The following FERMT3 variants were observed in gnomAD, a reference collection of about 807,000 sequenced individuals.
FERMT3 encodes fermitin family homolog 3.
FERMT3 carries 33 observed loss-of-function variants against 80.8 expected under a neutral mutation model. The ratio of observed to expected loss-of-function variants is 0.41; its 90% CI spans 0.31 to 0.55. The LOEUF (loss-of-function observed/expected upper bound fraction) is 0.55, where lower values mean the gene tolerates loss of function less well. Ranked by LOEUF, FERMT3 falls within the 20% of genes least tolerant of loss-of-function variation. FERMT3 has a pLI of 0.31. For synonymous variants in FERMT3, 375 were observed against 372.2 expected, an observed-to-expected ratio of 1.01 and a Z score of -0.09; for missense variants, 754 against 908.7, an observed-to-expected ratio of 0.83 and a Z score of 2.19.
In FERMT3 at chr11:64,221,105, C is replaced by G. The variant is rs765423929; in HGVS notation, c.1635C>G (p.Ser545=). Residue 545 remains serine, a synonymous_variant, in exon 13 of 15, where the codon TCC becomes TCG. Coordinates refer to ENST00000345728, the MANE Select transcript of FERMT3 (RefSeq NM_031471.6). ...TGCGCTTCATCCAGGCCTGGCAGTC[C>G]CTGCCCGACTTCGGCATCTCCTATG... ...AQLRFIQAWQ[S]LPDFGISYVM... The G allele has an allele frequency of 8.7e-6, 14 of 1,611,414 alleles. No homozygotes were observed. The highest frequency in any genetic ancestry group is 1.1e-5 in the Non-Finnish European group (13 of 1,180,012).
At position 64,220,369 on chromosome 11, in the gene FERMT3, G is replaced by T. The variant is rs1312545412; in HGVS notation, c.1311+43G>T. 5 of 1,608,066 alleles carry T rather than the reference G, an allele frequency of 3.1e-6. No individual in the cohort carries two copies. The South Asian group carries it at 4.4e-5, about 14-fold the overall frequency. On this transcript the variant is annotated intron_variant, in intron 11 of 14. Coordinates refer to ENST00000345728, the MANE Select transcript of FERMT3 (RefSeq NM_031471.6). The stretch of plus-strand genomic sequence containing the variant: ...AGGGGCCAGGGCCGGGCAGGAGCTG[G>T]GGCAGGGGCAGGGGCTGAGGAGCAT...
intron 6 of FERMT3, among the ~76,000 whole-genome samples, chr11:64,218,253 C>T (rs1946595667): frequency 6.6e-6 from 1 of 152,140 alleles, no homozygotes; most frequent in Non-Finnish European, 1.5e-5. Flanking sequence ...ATCCACCGAC[C>T]TCGGCCTCCC....
chr11:64,214,168 C>CTTTTTTTT (rs60329788), intron 6 of FERMT3, among the ~76,000 whole-genome samples: 16 of 113,432 alleles, frequency 1.4e-4, no homozygotes, highest in Admixed American at 2.1e-4. Flanking sequence ...TCATAATTGC[C>CTTTTTTTT]TTTTTTTTTT....
chr11:64,221,151 T>C lies in FERMT3; in HGVS notation c.1670+11T>C, dbSNP rs1591041178. 1.2e-6 allele frequency: 2 copies of C among 1,606,548 alleles called. No homozygotes were observed. Among genetic ancestry groups the C allele is most frequent in the Non-Finnish European group, 1.7e-6 (2 of 1,179,602 alleles). On this transcript the variant is annotated intron_variant, in intron 13 of 14. Transcript: ENST00000345728. The stretch of plus-strand genomic sequence containing the variant: ...CTATGTCATGGTCAGGTATGGCCCC[T>C]GGCCCAGCCCCCTGCCCAGCACCGT...
chr11:64,216,040 C>A (rs1340245447), intron 6 of FERMT3, among the ~76,000 whole-genome samples: 1 of 152,008 alleles, frequency 6.6e-6, no homozygotes, highest in Non-Finnish European at 1.5e-5. Context: ...CTATGTTGGT[C>A]AGGCTGGTCT....
chr11:64,213,137 C>T (rs1454816700), intron 6 of FERMT3, among the ~76,000 whole-genome samples: 1 of 151,812 alleles, frequency 6.6e-6, no homozygotes, highest in East Asian at 1.9e-4. Flanking sequence ...CTCACTGCAA[C>T]CTCTTCCTCC....
chr11:64,210,814 C>A lies in FERMT3; in HGVS notation c.364C>A (p.Gln122Lys). ...LRASFSQPLF[Q>K]AVAAICRLLS... ...TGCCAGCTTCTCCCAGCCCCTCTTC[C>A]AGGCTGTGGCTGCCATCTGCCGCCT... Residue 122 changes from glutamine to lysine, a missense_variant, in exon 3 of 15, where the codon CAG (glutamine) becomes AAG (lysine). Transcript: ENST00000345728. The surrounding 1 kb of genome is among the most constrained non-coding windows in gnomAD (Gnocchi z 4.3). The A allele has an allele frequency of 6.2e-7, 1 of 1,613,352 alleles. No individual in the cohort carries two copies. Among genetic ancestry groups the A allele is most frequent in the Non-Finnish European group, 8.5e-7 (1 of 1,180,002 alleles).
Position 64,223,879 on chromosome 11 carries a change from T to A in FERMT3, c.*387T>A. ...TTCTTTTTTATAAATTAATATTTTA[T>A]TGTTGGATCCTCCTCCTTTCTCTGG... On this transcript the variant is annotated 3_prime_UTR_variant, in exon 15 of 15. Transcript: ENST00000345728. 6.3e-7 allele frequency: 1 copy of A among 1,581,320 alleles called. No individual in the cohort carries two copies.
intron 6 of FERMT3, among the ~76,000 whole-genome samples, chr11:64,214,168 CTT>C (rs60329788): frequency 6.2e-5 from 7 of 113,438 alleles, no homozygotes; most frequent in African/African-American, 1.7e-4. Flanking sequence ...TCATAATTGC[CTT>C]TTTTTTTTTT....
Position 64,219,199 on chromosome 11 carries a change from G to A in FERMT3, c.787-52G>A. 6.6e-7 allele frequency: 1 copy of A among 1,517,758 alleles called. No individual in the cohort carries two copies. The highest frequency in any genetic ancestry group is 2.4e-5 in the East Asian group (1 of 40,836). The allele number at this position is 1,517,758 out of a possible 1,614,324, so 94.0% of individuals were successfully genotyped here. A position where few individuals can be genotyped will look rare whatever the true frequency, so the allele number is the denominator to read the frequency against. On this transcript the variant is annotated intron_variant, in intron 6 of 14. Transcript: ENST00000345728. The surrounding 1 kb of genome is among the most constrained non-coding windows in gnomAD (Gnocchi z 4.0). ...AGGGGCTCAGTGCAGGGCGTCCAGG[G>A]CAGCTGGCATCTGACCAGCCCAGCC...
intron 6 of FERMT3, among the ~76,000 whole-genome samples, chr11:64,216,795 CAAAAAAAAAAAAA>C (rs756054156): frequency 2.8e-5 from 1 of 35,178 alleles, no homozygotes; most frequent in Non-Finnish European, 6.0e-5. Flanking sequence ...GACTCCATCT[CAAAAAAAAAAAAA>C]AAAAAAAAAG....
chr11:64,217,609 T>G (rs1946579561), intron 6 of FERMT3, among the ~76,000 whole-genome samples: 1 of 152,174 alleles, frequency 6.6e-6, no homozygotes, highest in Non-Finnish European at 1.5e-5. Context: ...CAGCTGTGTC[T>G]GGGGTACCAA....
intron 2 of FERMT3, among the ~76,000 whole-genome samples, chr11:64,208,287 G>C (rs1946360537): frequency 6.6e-6 from 1 of 152,182 alleles, no homozygotes; most frequent in Admixed American, 6.5e-5. Context: ...TGTGAGGGGA[G>C]CTGCCAGGGG....
chr11:64,207,759 C>T (rs1477442034), intron 2 of FERMT3: 4 of 529,446 alleles, frequency 7.6e-6, no homozygotes, highest in Non-Finnish European at 1.3e-5. Flanking sequence ...CAGACGCAGC[C>T]ACAATCCTCC....
chr11:64,210,915 CCAG>C lies in FERMT3; in HGVS notation c.394+73_394+75del. The C allele has an allele frequency of 1.9e-6, 3 of 1,608,966 alleles. No individual in the cohort carries two copies. The highest frequency in any genetic ancestry group is 2.5e-6 in the Non-Finnish European group (3 of 1,178,492). On this transcript the variant is annotated intron_variant, in intron 3 of 14. Coordinates refer to ENST00000345728, the MANE Select transcript of FERMT3 (RefSeq NM_031471.6). The surrounding 1 kb of genome is among the most constrained non-coding windows in gnomAD (Gnocchi z 4.3). ...GAGGCAGGTTCCCCCGTTTCCAGGC[CCAG>C]CTCTGTTGACGCTGTCCTTGCTGTC...
chr11:64,210,905 G>A lies in FERMT3; in HGVS notation c.394+61G>A, dbSNP rs978729330. The A allele has an allele frequency of 3.0e-5, 48 of 1,608,854 alleles. No homozygotes were observed. The highest frequency in any genetic ancestry group is 1.8e-4 in the Admixed American group (11 of 59,936). The stretch of plus-strand genomic sequence containing the variant: ...GTGATGCAAAGAGGCAGGTTCCCCC[G>A]TTTCCAGGCCCAGCTCTGTTGACGC... On this transcript the variant is annotated intron_variant, in intron 3 of 14. Coordinates refer to ENST00000345728, the MANE Select transcript of FERMT3 (RefSeq NM_031471.6). The surrounding 1 kb of genome is among the most constrained non-coding windows in gnomAD (Gnocchi z 4.3).
At chr11:64,208,588 AC>A (rs1465642009) in intron 2 of FERMT3, among the ~76,000 whole-genome samples, 2 of 152,140 alleles carry the variant, frequency 1.3e-5, no homozygotes, top group Non-Finnish European at 2.9e-5. Context: ...GGTGAGACTG[AC>A]CCATGGGGGC....
Position 64,210,908 on chromosome 11 carries a change from TCCAGGC to T in FERMT3, c.394+69_394+74del. On this transcript the variant is annotated intron_variant, in intron 3 of 14. Coordinates refer to ENST00000345728, the MANE Select transcript of FERMT3 (RefSeq NM_031471.6). This position sits in a 1 kb window ranked among gnomAD's most constrained non-coding sequence, Gnocchi z 4.3. ...ATGCAAAGAGGCAGGTTCCCCCGTT[TCCAGGC>T]CCAGCTCTGTTGACGCTGTCCTTGC... The T allele has an allele frequency of 6.2e-7, 1 of 1,609,294 alleles. No individual in the cohort carries two copies. The highest frequency in any genetic ancestry group is 8.5e-7 in the Non-Finnish European group (1 of 1,178,934).
Position 64,220,642 on chromosome 11 carries a change from T to A in FERMT3, c.1518T>A (p.Arg506=), listed in dbSNP as rs761781705. Residue 506 remains arginine (R), a synonymous_variant, in exon 12 of 15, where the codon CGT becomes CGA. Transcript: ENST00000345728. ...GLNPYGLVAP[R]FQRKFKAKQL... is the part of the protein sequence containing the mutation. The stretch of plus-strand genomic sequence containing the variant: ...ACCCCTACGGCCTCGTTGCCCCCCG[T>A]TTCCAGCGAAAGTTCAAGGCCAAGC... 2 of 1,611,532 alleles carry A rather than the reference T, an allele frequency of 1.2e-6. No homozygotes were observed. Among genetic ancestry groups the A allele is most frequent in the South Asian group, 1.1e-5 (1 of 90,784 alleles).
Sources: gnomAD v4.1 joint callset for allele counts (sites outside exome capture counted in the v4.1 genomes callset) on GRCh38, gnomAD v4.1.1 for gene constraint, Gnocchi (gnomAD v3.1) non-coding constraint, MANE v1.5 for transcripts, NCBI Gene and HGNC (gene_info 2026-07-23, HGNC 2026-07-21) for gene names.